The following FABP6 variants were observed in gnomAD, a reference collection of about 807,000 sequenced individuals.
FABP6 encodes the protein gastrotropin.
FABP6 carries 13 observed loss-of-function variants against 14.9 expected under a neutral mutation model. That is an observed-to-expected ratio of 0.87 (90% CI 0.57 to 1.39). The LOEUF (loss-of-function observed/expected upper bound fraction) is 1.39, where lower values mean the gene tolerates loss of function less well. Ranked by LOEUF, FABP6 falls within the 40% of genes most tolerant of loss-of-function variation. FABP6 has a pLI of 0.00. For synonymous variants in FABP6, 75 were observed against 63.6 expected (o/e 1.18, Z -0.85); for missense variants, 161 against 167.2 (o/e 0.96, Z 0.20).
chr5:160,201,465 C>T (rs1759638637), intron 2 of FABP6, among the ~76,000 whole-genome samples: 1 of 152,138 alleles, frequency 6.6e-6, no homozygotes, highest in Admixed American at 6.6e-5. Flanking sequence ...TTCCCCATAG[C>T]TCTTTTGTTA....
At chr5:160,196,095 G>C (rs1759503367) in intron 1 of FABP6, 1 of 152,434 alleles carries the variant, frequency 6.6e-6, no homozygotes, top group Non-Finnish European at 1.5e-5. Flanking sequence ...CGAGAGAGCA[G>C]GCAGTGCCCA....
At chr5:160,218,760 CT>C (rs78224307) in intron 3 of FABP6, among the ~76,000 whole-genome samples, 4,824 of 139,674 alleles carry the variant, frequency 0.035, 134 homozygotes, top group African/African-American at 0.085. Context: ...TGCGCCTGGC[CT>C]TTTTTTTTTT....
chr5:160,206,689 A>G (rs1253979687), intron 2 of FABP6, among the ~76,000 whole-genome samples: 7 of 152,306 alleles, frequency 4.6e-5, no homozygotes, highest in Non-Finnish European at 1.0e-4. Context: ...CCACGTCTAA[A>G]CAGCCACAAA....
chr5:160,207,186 G>GACAGAAC, intron 2 of FABP6, among the ~76,000 whole-genome samples: 1 of 152,350 alleles, frequency 6.6e-6, no homozygotes, highest in East Asian at 1.9e-4. Context: ...TATGACAGAA[G>GACAGAAC]ATGAGGTAGG....
intron 3 of FABP6, 92 bp from the exon 4 acceptor site, chr5:160,238,514 G>A: frequency 9.2e-7 from 1 of 1,084,400 alleles, no homozygotes; most frequent in Non-Finnish European, 1.4e-6. Flanking sequence ...TCTACTCAAG[G>A]CCGGGGTTGG....
Position 160,213,044 on chromosome 5 carries a change from G to A in FABP6, c.52-692G>A, listed in dbSNP as rs541818391. On this transcript the variant is annotated intron_variant, in intron 2 of 6. Coordinates refer to the FABP6 transcript ENST00000393980. ...GGTAACTGTCACGGACACTCTTTGG[G>A]CACCTATCCAGCCCACAGTCCCTTC... 4.6e-5 allele frequency among the ~76,000 whole-genome samples: 7 copies of A among 152,288 alleles called. No individual in the cohort carries two copies. In the East Asian group the frequency reaches 1.2e-3, roughly 25 times the overall value.
intron 1 of FABP6, among the ~76,000 whole-genome samples, chr5:160,196,381 A>C (rs999174471): frequency 6.6e-6 from 1 of 152,174 alleles, no homozygotes; most frequent in Non-Finnish European, 1.5e-5. Context: ...AGGAGGCCCC[A>C]AAAAGGAAAC....
upstream of FABP6, chr5:160,229,370 C>G (rs909120565): frequency 7.4e-7 from 1 of 1,356,896 alleles, no homozygotes; most frequent in Non-Finnish European, 9.7e-7. Flanking sequence ...GGGGCTCTGT[C>G]CCTCCAGGTC....
chr5:160,211,425 G>A (rs1759888245), intron 2 of FABP6, among the ~76,000 whole-genome samples: 1 of 152,120 alleles, frequency 6.6e-6, no homozygotes, highest in African/African-American at 2.4e-5. Context: ...GGATCTTCAT[G>A]TACTGAGCAT....
chr5:160,211,983 CTTTTTTT>C (rs70990712), intron 2 of FABP6, among the ~76,000 whole-genome samples: 1 of 103,020 alleles, frequency 9.7e-6, no homozygotes, highest in Non-Finnish European at 1.9e-5. Flanking sequence ...TATGCAAGTT[CTTTTTTT>C]TTTTTTTTTT....
At chr5:160,193,115 G>A (rs1002358257) in intron 1 of FABP6, among the ~76,000 whole-genome samples, 3 of 152,192 alleles carry the variant, frequency 2.0e-5, no homozygotes, top group African/African-American at 7.2e-5. Flanking sequence ...TGCGGTGAGT[G>A]TTACAGCTCT....
chr5:160,206,907 A>AC (rs1409969943), intron 2 of FABP6, among the ~76,000 whole-genome samples: 1 of 152,136 alleles, frequency 6.6e-6, no homozygotes, highest in African/African-American at 2.4e-5. Flanking sequence ...GAGTGTTTCC[A>AC]CCTTCAAAGG....
At chr5:160,192,935 G>T (rs1759427239) in intron 1 of FABP6, among the ~76,000 whole-genome samples, 1 of 152,212 alleles carries the variant, frequency 6.6e-6, no homozygotes, top group Non-Finnish European at 1.5e-5. Context: ...AACATAGTGA[G>T]ACCCTGTCTC....
upstream of FABP6, chr5:160,229,477 T>C: frequency 6.2e-7 from 1 of 1,606,262 alleles, no homozygotes; most frequent in South Asian, 1.1e-5. Flanking sequence ...CTGGGAGAGT[T>C]TATAAGCTGG....
chr5:160,236,690 A>T (rs1310132861), intron 3 of FABP6, among the ~76,000 whole-genome samples: 1 of 152,026 alleles, frequency 6.6e-6, no homozygotes, highest in Non-Finnish European at 1.5e-5. Flanking sequence ...TCTAAAAATT[A>T]TCTGGGTGTG....
At chr5:160,212,616 C>A (rs1282350968) in intron 2 of FABP6, among the ~76,000 whole-genome samples, 1 of 151,966 alleles carries the variant, frequency 6.6e-6, no homozygotes, top group East Asian at 1.9e-4. Flanking sequence ...CTACAGGCAC[C>A]CACCACCACG....
At chr5:160,221,775 C>T (rs1321171693) in intron 3 of FABP6, among the ~76,000 whole-genome samples, 1 of 151,942 alleles carries the variant, frequency 6.6e-6, no homozygotes, top group African/African-American at 2.4e-5. Context: ...ATGTATATAG[C>T]TATGTGAAAA....
intron 2 of FABP6, chr5:160,199,232 C>A: frequency 6.7e-7 from 1 of 1,486,880 alleles, no homozygotes; most frequent in Non-Finnish European, 9.4e-7. Flanking sequence ...GGGAGAACAC[C>A]TTGGGTGGGG....
At chr5:160,194,655 C>T (rs540641341) in intron 1 of FABP6, among the ~76,000 whole-genome samples, 3 of 152,322 alleles carry the variant, frequency 2.0e-5, no homozygotes, top group East Asian at 1.9e-4. Flanking sequence ...CCCTATCCAC[C>T]GCACTCCAAC....
Sources: gnomAD v4.1 joint callset for allele counts (sites outside exome capture counted in the v4.1 genomes callset) on GRCh38, gnomAD v4.1.1 for gene constraint, MANE v1.5 for transcripts, NCBI Gene and HGNC (gene_info 2026-07-23, HGNC 2026-07-21) for gene names.